GPC6: variants seen among roughly 807,000 people sequenced by gnomAD.
The protein encoded by GPC6 is glypican 6, also known as glypican-6.
A neutral mutation model predicts 55.2 loss-of-function variants in GPC6; 14 were observed. The ratio of observed to expected loss-of-function variants is 0.25; its 90% confidence interval spans 0.17 to 0.40. The LOEUF is 0.40. GPC6 is among the 10% of genes least tolerant of loss of function. The pLI, the probability that GPC6 is intolerant of heterozygous loss-of-function variation, is 1.00. For synonymous variants in GPC6, 278 were observed against 259.6 expected (o/e 1.07, Z -0.68); for missense variants, 641 against 708.5 (o/e 0.90, Z 1.08).
intron 2 of GPC6, among the ~76,000 whole-genome samples, chr13:93,747,457 C>T (rs1373774139): frequency 6.6e-6 from 1 of 152,198 alleles, no homozygotes; most frequent in Admixed American, 6.5e-5. Context: ...ACCAGCTATT[C>T]TCCAGCCTCA....
At chr13:94,228,863 T>C (rs1308375830) in intron 4 of GPC6, among the ~76,000 whole-genome samples, 9 of 150,820 alleles carry the variant, frequency 6.0e-5, no homozygotes, top group Admixed American at 2.6e-4. Context: ...TGTTAACAAG[T>C]GTGGGAGGAG....
At chr13:94,276,782 T>C (rs1326146565) in intron 4 of GPC6, among the ~76,000 whole-genome samples, 2 of 152,230 alleles carry the variant, frequency 1.3e-5, no homozygotes, top group African/African-American at 4.8e-5. Context: ...TTCCTTTTTA[T>C]GACTGCATAG....
At chr13:94,200,155 TAA>T (rs10708157) in intron 4 of GPC6, among the ~76,000 whole-genome samples, 1,719 of 137,142 alleles carry the variant, frequency 0.013, 10 homozygotes, top group Admixed American at 0.017. Flanking sequence ...AAACTCTGTC[TAA>T]AAAAAAAAAA....
At chr13:94,015,424 C>T (rs994938485) in intron 3 of GPC6, among the ~76,000 whole-genome samples, 1 of 152,116 alleles carries the variant, frequency 6.6e-6, no homozygotes, top group East Asian at 1.9e-4. Context: ...ATACTAGACT[C>T]TTATCAGATA....
At chr13:94,083,443 A>C (rs1244588242) in intron 4 of GPC6, among the ~76,000 whole-genome samples, 1 of 152,156 alleles carries the variant, frequency 6.6e-6, no homozygotes, top group Non-Finnish European at 1.5e-5. Context: ...AATAGCACTT[A>C]TCTCTACTTT....
At chr13:94,168,821 G>A (rs1220128122) in intron 4 of GPC6, among the ~76,000 whole-genome samples, 1 of 151,296 alleles carries the variant, frequency 6.6e-6, no homozygotes, top group Non-Finnish European at 1.5e-5. Context: ...TTTTTATTCT[G>A]ATTTTAAAAG....
chr13:93,910,224 T>C (rs990777766), intron 3 of GPC6, among the ~76,000 whole-genome samples: 2 of 152,150 alleles, frequency 1.3e-5, no homozygotes, highest in Non-Finnish European at 2.9e-5. Flanking sequence ...TCCCATGCTG[T>C]TCTTATGATA....
chr13:93,257,255 A>G (rs1274143636), intron 1 of GPC6, among the ~76,000 whole-genome samples: 1 of 152,090 alleles, frequency 6.6e-6, no homozygotes, highest in Non-Finnish European at 1.5e-5. Context: ...ATAAGCTATG[A>G]TCATACCACT....
chr13:93,789,859 G>A (rs1391541482), intron 2 of GPC6, among the ~76,000 whole-genome samples: 1 of 151,122 alleles, frequency 6.6e-6, no homozygotes, highest in East Asian at 2.0e-4. Flanking sequence ...TGTGATTTTA[G>A]GCATAAGGAG....
At chr13:93,474,898 A>G (rs1879249725) in intron 1 of GPC6, among the ~76,000 whole-genome samples, 1 of 152,222 alleles carries the variant, frequency 6.6e-6, no homozygotes, top group Non-Finnish European at 1.5e-5. Flanking sequence ...GATGGTGGCT[A>G]TGCTTATAAT....
intron 2 of GPC6, among the ~76,000 whole-genome samples, chr13:93,712,455 A>G (rs1594392432): frequency 6.6e-6 from 1 of 151,692 alleles, no homozygotes; most frequent in Non-Finnish European, 1.5e-5. Flanking sequence ...CTGTGTATCA[A>G]TATTTTGTTT....
intron 3 of GPC6, among the ~76,000 whole-genome samples, chr13:93,879,678 C>A (rs12381064): frequency 6.6e-6 from 1 of 150,764 alleles, no homozygotes; most frequent in Non-Finnish European, 1.5e-5. Flanking sequence ...TCTAAAACAC[C>A]AAAAGCAATG....
chr13:93,758,328 G>A (rs1884846109), intron 2 of GPC6, among the ~76,000 whole-genome samples: 1 of 152,148 alleles, frequency 6.6e-6, no homozygotes, highest in Non-Finnish European at 1.5e-5. Context: ...GTCGGCAAGT[G>A]TTATGACTGA....
intron 2 of GPC6, among the ~76,000 whole-genome samples, chr13:93,575,002 G>A (rs186798112): frequency 6.8e-4 from 103 of 152,202 alleles, no homozygotes; most frequent in African/African-American, 2.3e-3. Context: ...CAATGAAAAG[G>A]TGAATTGTTG....
At chr13:93,270,363 A>C (rs755068242) in intron 1 of GPC6, among the ~76,000 whole-genome samples, 5 of 151,884 alleles carry the variant, frequency 3.3e-5, no homozygotes, top group African/African-American at 9.7e-5. Context: ...GTTTATGTCT[A>C]TATATACATG....
intron 3 of GPC6, among the ~76,000 whole-genome samples, chr13:93,864,939 G>C (rs1241569039): frequency 6.6e-6 from 1 of 151,632 alleles, no homozygotes; most frequent in African/African-American, 2.4e-5. Context: ...TTCAAATTTT[G>C]TGTAAAGATA....
chr13:93,423,187 T>C (rs1876989392), intron 1 of GPC6, among the ~76,000 whole-genome samples: 1 of 152,146 alleles, frequency 6.6e-6, no homozygotes, highest in Admixed American at 6.5e-5. Flanking sequence ...ATGCTTGCCT[T>C]GCAGTTTTAG....
chr13:93,612,839 A>G (rs757262396), intron 2 of GPC6, among the ~76,000 whole-genome samples: 9 of 152,260 alleles, frequency 5.9e-5, no homozygotes, highest in Non-Finnish European at 1.2e-4. Context: ...ATGTGTGTCA[A>G]TTGTTGAACT....
At chr13:93,813,797 ATT>A (rs60677511) in intron 2 of GPC6, among the ~76,000 whole-genome samples, 11 of 151,110 alleles carry the variant, frequency 7.3e-5, no homozygotes, top group African/African-American at 2.4e-4. Context: ...TATCAAGTGT[ATT>A]TTTTTTTAAA....
Sources: gnomAD v4.1 joint callset for allele counts (sites outside exome capture counted in the v4.1 genomes callset) on GRCh38, gnomAD v4.1.1 for gene constraint, MANE v1.5 for transcripts, NCBI Gene and HGNC (gene_info 2026-07-23, HGNC 2026-07-21) for gene names.